Variants in BCL2L13 observed in about 807,000 individuals in gnomAD.
BCL2L13 encodes BCL2 like 13, also known as bcl-2-like protein 13.
BCL2L13 carries 13 observed loss-of-function variants against 25.8 expected under a neutral mutation model. That is an observed-to-expected ratio of 0.50 (90% confidence interval 0.33 to 0.80). The LOEUF is 0.80. Ranked by LOEUF, BCL2L13 falls within the 30% of genes least tolerant of loss-of-function variation. The pLI is 0.02. For synonymous variants in BCL2L13, 244 were observed against 230.3 expected (o/e 1.06, Z -0.54); for missense variants, 504 against 574.9 (o/e 0.88, Z 1.26).
At chr22:17,705,548 C>G (rs2060566908) in intron 6 of BCL2L13, among the ~76,000 whole-genome samples, 1 of 151,958 alleles carries the variant, frequency 6.6e-6, no homozygotes, top group South Asian at 2.1e-4. Flanking sequence ...CCACCCGCCT[C>G]AGCCTCCCAA....
At chr22:17,719,370 G>A (rs576625604) in intron 6 of BCL2L13, among the ~76,000 whole-genome samples, 63 of 151,906 alleles carry the variant, frequency 4.1e-4, no homozygotes, top group Admixed American at 3.3e-3. Flanking sequence ...TAAATTTTTT[G>A]GAGAATAATT....
chr22:17,727,245 C>T lies in BCL2L13; in HGVS notation c.1169C>T (p.Thr390Ile), dbSNP rs768340766. ...GAAGAAGAGGTGAAAGCAGCAACAA[C>T]TGAACCTACTGAAGTGGAGGAGGTG... ...LDEEEVKAAT[T>I]EPTEVEEVVP... Residue 390 changes from threonine to isoleucine, a missense_variant, in exon 7 of 7, where the codon ACT (threonine) becomes ATT (isoleucine). Physicochemically the swap from Thr to Ile is moderately conservative, Grantham distance 89 (BLOSUM62 -1). Coordinates refer to ENST00000317582, the MANE Select transcript of BCL2L13 (RefSeq NM_015367.4). 6.2e-7 allele frequency: 1 copy of T among 1,614,284 alleles called. No individual in the cohort carries two copies. The highest frequency in any genetic ancestry group is 1.1e-5 in the South Asian group (1 of 91,090).
chr22:17,706,216 C>T (rs148006968), intron 6 of BCL2L13, among the ~76,000 whole-genome samples: 2 of 152,176 alleles, frequency 1.3e-5, no homozygotes, highest in African/African-American at 4.8e-5. Context: ...CACTATGTTG[C>T]CCAAGCTGGT....
At chr22:17,719,593 G>A (rs889119302) in intron 6 of BCL2L13, among the ~76,000 whole-genome samples, 2 of 152,014 alleles carry the variant, frequency 1.3e-5, no homozygotes, top group African/African-American at 2.4e-5. Flanking sequence ...AATGAAGTAC[G>A]GCCGAGGCAG....
chr22:17,655,850 T>C lies in BCL2L13; in HGVS notation c.121+18T>C, dbSNP rs771333052. 1.2e-6 allele frequency: 2 copies of C among 1,601,340 alleles called. No individual in the cohort carries two copies. Among genetic ancestry groups the C allele is most frequent in the South Asian group, 1.1e-5 (1 of 88,202 alleles). ...ACCCCAAGGTATTATCTTTGGCTTA[T>C]GGTGGTTATAGTAAATTGTAATAAG... On this transcript the variant is annotated intron_variant, in intron 2 of 6. Transcript: ENST00000317582.
In BCL2L13 at chr22:17,631,678, A is replaced by G. The variant is rs1327128762; in HGVS notation, c.-650+2673A>G. Among the ~76,000 whole-genome samples, 56 of 16,998 alleles carry G rather than the reference A, an allele frequency of 3.3e-3. 4 individuals are homozygous for G. Among genetic ancestry groups the G allele is most frequent in the East Asian group, 0.01 (4 of 392 alleles). 11.2% of individuals were successfully genotyped at this position (16,998 alleles called of 152,430 possible). ...TATGTATGTGTGTGTGTGTATATAT[A>G]TATATATATATATATATATATATAT... On this transcript the variant is annotated intron_variant, in intron 1 of 6. Transcript: ENST00000399782.
intron 1 of BCL2L13, among the ~76,000 whole-genome samples, chr22:17,652,866 C>T (rs1479098157): frequency 6.6e-6 from 1 of 152,116 alleles, no homozygotes; most frequent in Non-Finnish European, 1.5e-5. Context: ...AGATCGAGAC[C>T]ATCCTGGCTA....
chr22:17,709,411 G>A (rs973195307), intron 6 of BCL2L13, among the ~76,000 whole-genome samples: 4 of 151,444 alleles, frequency 2.6e-5, no homozygotes, highest in East Asian at 4.0e-4. Context: ...CCTGGCCAAC[G>A]TGGTGAAACC....
chr22:17,721,208 G>A (rs375472402), intron 6 of BCL2L13, among the ~76,000 whole-genome samples: 9 of 151,914 alleles, frequency 5.9e-5, no homozygotes, highest in Admixed American at 5.2e-4. Flanking sequence ...CGTGCCCCAC[G>A]CCGCATTTCA....
chr22:17,698,558 A>AAG, intron 5 of BCL2L13, among the ~76,000 whole-genome samples: 1 of 145,854 alleles, frequency 6.9e-6, no homozygotes, highest in Non-Finnish European at 1.5e-5. Context: ...CTGTCTCTTA[A>AAG]AAAAAAAAAA....
In BCL2L13 at chr22:17,710,883, A is replaced by T. The variant is rs189901784; in HGVS notation, c.600+8497A>T. Among the ~76,000 whole-genome samples the T allele has an allele frequency of 5.0e-3, 768 of 152,084 alleles. 4 individuals are homozygous for T. The highest frequency in any genetic ancestry group is 0.016 in the African/African-American group (666 of 41,480). On this transcript the variant is annotated intron_variant, in intron 6 of 6. Coordinates refer to ENST00000317582, the MANE Select transcript of BCL2L13 (RefSeq NM_015367.4). The stretch of plus-strand genomic sequence containing the variant: ...CAGAGCGAGACTCCGTCTCAAAAAA[A>T]ATAAAAATAAAAAAAAATAAATAAA...
At chr22:17,717,318 ATTAG>A (rs2060971998) in intron 6 of BCL2L13, among the ~76,000 whole-genome samples, 1 of 146,826 alleles carries the variant, frequency 6.8e-6, no homozygotes, top group African/African-American at 2.6e-5. Context: ...AAATACAAAA[ATTAG>A]AAGAGTTAGC....
chr22:17,637,480 T>C (rs2058131897), upstream of BCL2L13, among the ~76,000 whole-genome samples: 1 of 150,974 alleles, frequency 6.6e-6, no homozygotes, highest in South Asian at 2.1e-4. Context: ...GCTCAAGCGA[T>C]TCTCCTGCAT....
intron 2 of BCL2L13, among the ~76,000 whole-genome samples, chr22:17,667,515 A>G (rs572360282): frequency 3.3e-5 from 5 of 149,492 alleles, no homozygotes; most frequent in African/African-American, 7.4e-5. Flanking sequence ...CTTTGTTGTT[A>G]TTGTTGTTTT....
chr22:17,715,120 TTTTATATATA>T (rs2060876378), intron 6 of BCL2L13, among the ~76,000 whole-genome samples: 1 of 83,592 alleles, frequency 1.2e-5, no homozygotes, highest in Admixed American at 1.6e-4. Flanking sequence ...TCAGTGTTAA[TTTTATATATA>T]TATATATATA....
chr22:17,719,765 G>A (rs1198970907), intron 6 of BCL2L13, among the ~76,000 whole-genome samples: 1 of 147,990 alleles, frequency 6.8e-6, no homozygotes, highest in Admixed American at 6.9e-5. Flanking sequence ...GGAGGCGGAG[G>A]TTGCAGTGAG....
At chr22:17,648,264 C>T (rs1306784181) in intron 1 of BCL2L13, among the ~76,000 whole-genome samples, 1 of 152,106 alleles carries the variant, frequency 6.6e-6, no homozygotes, top group African/African-American at 2.4e-5. Flanking sequence ...TACACTTGGC[C>T]TGTTATCAAT....
intron 2 of BCL2L13, among the ~76,000 whole-genome samples, chr22:17,665,002 C>T (rs575339468): frequency 6.6e-6 from 1 of 152,344 alleles, no homozygotes; most frequent in East Asian, 1.9e-4. Flanking sequence ...TGGCAATTAG[C>T]ATTTGGCTTC....
intron 2 of BCL2L13, among the ~76,000 whole-genome samples, chr22:17,676,869 G>A (rs2059589643): frequency 6.6e-6 from 1 of 152,172 alleles, no homozygotes; most frequent in South Asian, 2.1e-4. Flanking sequence ...GGATAAATTG[G>A]CATAGGATCT....
Sources: allele counts gnomAD v4.1 joint callset (sites outside exome capture counted in the v4.1 genomes callset), GRCh38; gene constraint gnomAD v4.1.1; transcripts MANE v1.5; gene names NCBI Gene and HGNC (gene_info 2026-07-23, HGNC 2026-07-21).